The following MGAT4C variants were observed in gnomAD, a reference collection of about 807,000 sequenced individuals.
MGAT4C encodes MGAT4 family member C.
Under a neutral mutation model 40.1 loss-of-function variants are expected in MGAT4C, and 19 were observed. The ratio of observed to expected loss-of-function variants is 0.47; its 90% confidence interval spans 0.33 to 0.70. MGAT4C has a LOEUF of 0.70. Ranked by LOEUF, MGAT4C falls within the 30% of genes least tolerant of loss-of-function variation. MGAT4C has a pLI of 0.02. For synonymous variants in MGAT4C, 181 were observed against 187.1 expected (o/e 0.97, Z 0.27); for missense variants, 491 against 563.2 (o/e 0.87, Z 1.30).
At chr12:86,037,769 G>T (rs1327585694) in intron 2 of MGAT4C, among the ~76,000 whole-genome samples, 1 of 149,924 alleles carries the variant, frequency 6.7e-6, no homozygotes, top group Admixed American at 6.7e-5. Flanking sequence ...ATGTTCTGTT[G>T]ATTTGGGGTG....
intron 1 of MGAT4C, among the ~76,000 whole-genome samples, chr12:86,140,509 G>T (rs113520600): frequency 2.0e-5 from 3 of 152,192 alleles, no homozygotes; most frequent in Admixed American, 1.3e-4. Flanking sequence ...GGCCTGTCGG[G>T]GGGTGGGAGG....
At position 86,746,803 on chromosome 12, in the gene MGAT4C, T is replaced by C. The variant is rs112522564; in HGVS notation, c.-261-19562A>G. Among the ~76,000 whole-genome samples the C allele has an allele frequency of 8.2e-4, 124 of 151,692 alleles. 3 individuals carry two copies. The highest frequency in any genetic ancestry group is 1.8e-3 in the African/African-American group (75 of 41,476). On this transcript the variant is annotated intron_variant, in intron 1 of 7. Coordinates refer to the MGAT4C transcript ENST00000548651. The stretch of plus-strand genomic sequence containing the variant: ...GTATCTTTTCTGAGCCCCCTCCAAA[T>C]ATAGGTAATGTCTCCTTCTGAGTTG...
chr12:86,707,510 C>G (rs978228166), intron 2 of MGAT4C, among the ~76,000 whole-genome samples: 3 of 148,696 alleles, frequency 2.0e-5, no homozygotes, highest in Admixed American at 6.7e-5. Flanking sequence ...GGGTATCTGG[C>G]GGAGGAATTT....
chr12:86,361,462 C>T (rs1365502519), intron 3 of MGAT4C, among the ~76,000 whole-genome samples: 1 of 152,146 alleles, frequency 6.6e-6, no homozygotes, highest in East Asian at 1.9e-4. Context: ...AAAGCAATGG[C>T]AACAAAAGCC....
chr12:86,047,210 T>C (rs1469287479), intron 2 of MGAT4C, among the ~76,000 whole-genome samples: 1 of 152,116 alleles, frequency 6.6e-6, no homozygotes, highest in East Asian at 1.9e-4. Context: ...TTTATAAAGA[T>C]AAATCACTAT....
intron 3 of MGAT4C, among the ~76,000 whole-genome samples, chr12:86,430,723 T>C (rs1334504972): frequency 6.6e-6 from 1 of 152,184 alleles, no homozygotes; most frequent in Non-Finnish European, 1.5e-5. Context: ...GAGTCATTAC[T>C]CTGGACAGGT....
intron 1 of MGAT4C, among the ~76,000 whole-genome samples, chr12:86,129,542 A>ATTT (rs1566024215): frequency 1.2e-4 from 4 of 34,742 alleles, no homozygotes; most frequent in Non-Finnish European, 1.7e-4. Context: ...TGCTTACACA[A>ATTT]TCTTTTTTTT....
intron 2 of MGAT4C, among the ~76,000 whole-genome samples, chr12:86,019,432 G>A (rs1039021286): frequency 3.3e-5 from 5 of 152,020 alleles, no homozygotes; most frequent in African/African-American, 9.7e-5. Context: ...TATCTCTGAT[G>A]TTGTATGCAT....
At chr12:86,550,149 G>A (rs538586471) in intron 2 of MGAT4C, among the ~76,000 whole-genome samples, 24 of 152,220 alleles carry the variant, frequency 1.6e-4, no homozygotes, top group Admixed American at 1.4e-3. Context: ...TGAAGAAATA[G>A]GTACTTGTTT....
chr12:86,719,483 G>A (rs1336314725), intron 2 of MGAT4C, among the ~76,000 whole-genome samples: 1 of 152,128 alleles, frequency 6.6e-6, no homozygotes, highest in Non-Finnish European at 1.5e-5. Context: ...TAAGATGGGA[G>A]GCAATCAGAG....
chr12:86,809,961 A>G (rs2136214618), intron 1 of MGAT4C, among the ~76,000 whole-genome samples: 1 of 152,130 alleles, frequency 6.6e-6, no homozygotes, highest in African/African-American at 2.4e-5. Flanking sequence ...CTGCAGACAA[A>G]TGGCATCCGT....
In MGAT4C at chr12:86,807,753, C is replaced by T. The variant is rs149494639; in HGVS notation, c.-262+30913G>A. On this transcript the variant is annotated intron_variant, in intron 1 of 7. Coordinates refer to the MGAT4C transcript ENST00000548651. ...TTACATTCTCACCAACAGTGTTAAA[C>T]CATTTTCCTATTTCTCTGCAACCTT... Among the ~76,000 whole-genome samples, 43 of 152,124 alleles carry T rather than the reference C, an allele frequency of 2.8e-4. 1 individual carries two copies. Among genetic ancestry groups the T allele is most frequent in the Admixed American group, 1.2e-3 (19 of 15,240 alleles).
intron 1 of MGAT4C, among the ~76,000 whole-genome samples, chr12:86,774,299 C>CTTTTTCTTTCTTTCTT (rs142126894): frequency 1.3e-5 from 1 of 78,244 alleles, no homozygotes; most frequent in African/African-American, 4.5e-5. Context: ...TTCTTTCTTT[C>CTTTTTCTTTCTTTCTT]TTTCTTTCTT....
intron 2 of MGAT4C, among the ~76,000 whole-genome samples, chr12:86,601,676 G>C (rs1241459997): frequency 6.6e-6 from 1 of 152,140 alleles, no homozygotes; most frequent in East Asian, 1.9e-4. Context: ...CTGTGGGCTG[G>C]AGCTAAAAGG....
intron 2 of MGAT4C, among the ~76,000 whole-genome samples, chr12:86,660,950 A>C (rs1481307926): frequency 6.6e-6 from 1 of 152,220 alleles, no homozygotes; most frequent in East Asian, 1.9e-4. Flanking sequence ...ATAAATCAAG[A>C]GTGACATCTG....
intron 1 of MGAT4C, among the ~76,000 whole-genome samples, chr12:86,078,026 C>T (rs1025883968): frequency 6.6e-6 from 1 of 152,128 alleles, no homozygotes; most frequent in Non-Finnish European, 1.5e-5. Context: ...TCTAGGCCAG[C>T]AAAACATAAT....
At chr12:86,740,930 A>T (rs1044515103) in intron 1 of MGAT4C, among the ~76,000 whole-genome samples, 11 of 150,984 alleles carry the variant, frequency 7.3e-5, no homozygotes, top group African/African-American at 2.7e-4. Flanking sequence ...TGAGGTTTGG[A>T]ATACAAATTC....
At chr12:86,399,373 C>A (rs1316687264) in intron 3 of MGAT4C, among the ~76,000 whole-genome samples, 1 of 151,834 alleles carries the variant, frequency 6.6e-6, no homozygotes, top group Non-Finnish European at 1.5e-5. Context: ...CCTCCGCCTC[C>A]TGGGTTCATG....
chr12:86,568,447 G>C (rs2136418539), intron 2 of MGAT4C, among the ~76,000 whole-genome samples: 1 of 151,886 alleles, frequency 6.6e-6, no homozygotes, highest in South Asian at 2.1e-4. Context: ...TTGAGGTTTT[G>C]AGACACAGAT....
Sources: allele counts gnomAD v4.1 joint callset (sites outside exome capture counted in the v4.1 genomes callset), GRCh38; gene constraint gnomAD v4.1.1; transcripts MANE v1.5; gene names NCBI Gene and HGNC (gene_info 2026-07-23, HGNC 2026-07-21).